Variants in JARID2 observed in about 807,000 individuals in gnomAD.
JARID2 encodes the protein protein Jumonji.
A neutral mutation model predicts 125.6 loss-of-function variants in JARID2; 21 were observed. That is an observed-to-expected ratio of 0.17 (90% CI 0.12 to 0.24). The LOEUF is 0.24. Ranked by LOEUF, JARID2 falls within the 10% of genes least tolerant of loss-of-function variation. The pLI is 1.00. For missense variants in JARID2, 1,303 were observed against 1,639.6 expected, an observed-to-expected ratio of 0.79 and a Z score of 3.55; for synonymous variants, 736 against 661.6, an observed-to-expected ratio of 1.11 and a Z score of -1.73.
chr6:15,475,882 A>G (rs1769318651), intron 5 of JARID2, among the ~76,000 whole-genome samples: 2 of 152,192 alleles, frequency 1.3e-5, no homozygotes, highest in African/African-American at 4.8e-5. Context: ...CAGGTCTTAA[A>G]ATAGGTTTTC....
chr6:15,285,676 A>G (rs1760970852), intron 1 of JARID2, among the ~76,000 whole-genome samples: 1 of 152,162 alleles, frequency 6.6e-6, no homozygotes, highest in Non-Finnish European at 1.5e-5. Flanking sequence ...CTAGTTCTCT[A>G]ACATGTTCCC....
intron 1 of JARID2, among the ~76,000 whole-genome samples, chr6:15,357,481 T>C (rs1220018369): frequency 6.6e-6 from 1 of 152,220 alleles, no homozygotes; most frequent in Non-Finnish European, 1.5e-5. Context: ...ATACTCAAAA[T>C]GGGTCTAGTG....
chr6:15,476,885 C>T (rs904773511), intron 5 of JARID2, among the ~76,000 whole-genome samples: 2 of 151,994 alleles, frequency 1.3e-5, no homozygotes, highest in East Asian at 1.9e-4. Flanking sequence ...GTTATTTTTT[C>T]CAGGGGGTAA....
chr6:15,267,662 G>A (rs562277425), intron 1 of JARID2, among the ~76,000 whole-genome samples: 1 of 152,258 alleles, frequency 6.6e-6, no homozygotes, highest in Admixed American at 6.5e-5. Flanking sequence ...GAAGTCCGGT[G>A]TGACGCGCGA....
intron 6 of JARID2, among the ~76,000 whole-genome samples, chr6:15,490,843 A>T (rs185563273): frequency 8.5e-4 from 130 of 152,356 alleles, no homozygotes; most frequent in Admixed American, 1.8e-3. Flanking sequence ...CAGGTTTTGT[A>T]CTTGTGTAGA....
intron 1 of JARID2, among the ~76,000 whole-genome samples, chr6:15,287,152 C>T (rs1308626901): frequency 6.6e-6 from 1 of 151,944 alleles, no homozygotes; most frequent in African/African-American, 2.4e-5. Context: ...CACAAACAAA[C>T]AAACAAACAA....
intron 1 of JARID2, among the ~76,000 whole-genome samples, chr6:15,356,270 T>G (rs1232962957): frequency 2.6e-5 from 4 of 152,236 alleles, no homozygotes. Flanking sequence ...TGTGAACATT[T>G]GTGTTCACGT....
intron 3 of JARID2, among the ~76,000 whole-genome samples, chr6:15,424,133 CTTTTT>C (rs66481311): frequency 1.4e-5 from 2 of 141,174 alleles, no homozygotes; most frequent in African/African-American, 5.2e-5. Context: ...CTGGCTGCCT[CTTTTT>C]TTTTTTTTTT....
chr6:15,429,530 AAGTGCTGAGATTACAGACCTG>A (rs1766882607), intron 3 of JARID2, among the ~76,000 whole-genome samples: 2 of 152,178 alleles, frequency 1.3e-5, no homozygotes, highest in South Asian at 4.2e-4. Flanking sequence ...CAGCCTCCCA[AAGTGCTGAGATTACAGACCTG>A]AGCCACCGCA....
chr6:15,392,159 G>A (rs1765042825), intron 2 of JARID2, among the ~76,000 whole-genome samples: 2 of 151,700 alleles, frequency 1.3e-5, no homozygotes, highest in African/African-American at 2.4e-5. Context: ...GTTGATGATT[G>A]CTGTCCTTCC....
chr6:15,324,241 A>G (rs1762459088), intron 1 of JARID2: 1 of 152,022 alleles, frequency 6.6e-6, no homozygotes, highest in Non-Finnish European at 1.5e-5. Context: ...ATGAAGCCCA[A>G]GGTATTATCA....
intron 1 of JARID2, among the ~76,000 whole-genome samples, chr6:15,305,709 G>T (rs990625196): frequency 1.3e-5 from 2 of 152,106 alleles, no homozygotes; most frequent in African/African-American, 2.4e-5. Flanking sequence ...GGTCTTCAGG[G>T]TTCTTGGCCT....
At chr6:15,296,457 T>C (rs1322821881) in intron 1 of JARID2, among the ~76,000 whole-genome samples, 3 of 152,182 alleles carry the variant, frequency 2.0e-5, no homozygotes, top group Non-Finnish European at 1.5e-5. Flanking sequence ...AATGAAAAGT[T>C]GCAAAACCTA....
intron 5 of JARID2, among the ~76,000 whole-genome samples, chr6:15,472,743 G>T (rs1307708945): frequency 1.3e-5 from 2 of 152,140 alleles, no homozygotes; most frequent in African/African-American, 4.8e-5. Flanking sequence ...GTCCCATTCT[G>T]TTGTCCAGAG....
chr6:15,366,677 C>T (rs186865816), intron 1 of JARID2, among the ~76,000 whole-genome samples: 1 of 152,252 alleles, frequency 6.6e-6, no homozygotes, highest in African/African-American at 2.4e-5. Context: ...AAGGCGATTT[C>T]TGCATTTCAG....
chr6:15,423,109 C>T (rs1472745252), intron 3 of JARID2, among the ~76,000 whole-genome samples: 2 of 151,810 alleles, frequency 1.3e-5, no homozygotes, highest in East Asian at 1.9e-4. Flanking sequence ...AAGTGATCCT[C>T]CTGTCTCAGC....
At chr6:15,457,951 A>G (rs528487906) in intron 4 of JARID2, among the ~76,000 whole-genome samples, 1 of 152,292 alleles carries the variant, frequency 6.6e-6, no homozygotes, top group Non-Finnish European at 1.5e-5. Flanking sequence ...AAATTTCTAC[A>G]GGAAAGGAGG....
intron 1 of JARID2, among the ~76,000 whole-genome samples, chr6:15,354,533 ACACT>A (rs1297270636): frequency 7.2e-5 from 11 of 152,338 alleles, no homozygotes; most frequent in African/African-American, 2.4e-4. Flanking sequence ...TGCTTAAGTA[ACACT>A]CAGTGTCAGG....
intron 1 of JARID2, among the ~76,000 whole-genome samples, chr6:15,356,840 C>A (rs1405346047): frequency 3.3e-5 from 5 of 152,004 alleles, no homozygotes; most frequent in Non-Finnish European, 7.4e-5. Flanking sequence ...CATGGTGAAA[C>A]CCCATCTCTA....
Sources: allele counts gnomAD v4.1 joint callset (sites outside exome capture counted in the v4.1 genomes callset), GRCh38; gene constraint gnomAD v4.1.1; transcripts MANE v1.5; gene names NCBI Gene and HGNC (gene_info 2026-07-23, HGNC 2026-07-21).